Variants in IGLL5 observed in about 807,000 individuals in gnomAD.
IGLL5 encodes the protein immunoglobulin lambda-like polypeptide 5.
Under a neutral mutation model 20.9 loss-of-function variants are expected in IGLL5, and 30 were observed. The observed-to-expected ratio is 1.44, with a 90% CI of 1.07 to 1.95. The LOEUF (loss-of-function observed/expected upper bound fraction) is 1.95, where lower values mean the gene tolerates loss of function less well. Ranked by LOEUF, IGLL5 falls within the 30% of genes most tolerant of loss-of-function variation. The pLI is 0.00. For synonymous variants in IGLL5, 203 were observed against 117.3 expected, an observed-to-expected ratio of 1.73 and a Z score of -4.72; for missense variants, 475 against 270.7, an observed-to-expected ratio of 1.75 and a Z score of -5.30.
At chr22:22,888,695 G>A (rs539733058) in intron 1 of IGLL5, among the ~76,000 whole-genome samples, 8 of 151,314 alleles carry the variant, frequency 5.3e-5, no homozygotes, top group South Asian at 2.1e-4. Flanking sequence ...CCTGGAGAAG[G>A]CAGCAAGGGC....
In IGLL5 at chr22:22,895,981, C is replaced by A; in HGVS notation, c.*287C>A. Reference sequence around the variant, plus strand: ...CCCTGAGTCATCTCCCCAGAGGGTCCTTCCTCTCCCAGTCACCCCTTCTCC... The same window carrying A: ...CCCTGAGTCATCTCCCCAGAGGGTCATTCCTCTCCCAGTCACCCCTTCTCC... On this transcript the variant is annotated 3_prime_UTR_variant, in exon 3 of 3. Transcript: ENST00000526893. The A allele has an allele frequency of 1.8e-6, 1 of 558,440 alleles. No individual in the cohort carries two copies. The highest frequency in any genetic ancestry group is 3.2e-6 in the Non-Finnish European group (1 of 313,324). The allele number at this position is 558,440 out of a possible 1,614,324, so 34.6% of individuals were successfully genotyped here.
rs755327361 is a variant in IGLL5, at chr22:22,895,405, T to G, written c.356T>G (p.Leu119Arg). The G allele has an allele frequency of 1.2e-6, 2 of 1,612,966 alleles. No individual in the cohort carries two copies. Among genetic ancestry groups the G allele is most frequent in the Non-Finnish European group, 1.7e-6 (2 of 1,179,546 alleles). The change falls in exon 3 of 3, where the codon CTG becomes CGG. Residue 119 changes from leucine (L) to arginine (R), a missense_variant. Transcript: ENST00000526893. ...CCCAAGGCCAACCCCACTGTCACTC[T>G]GTTCCCGCCCTCCTCTGAGGAGCTC... ...GQPKANPTVT[L>R]FPPSSEELQA...
Position 22,895,601 on chromosome 22 carries a change from C to T in IGLL5, c.552C>T (p.Pro184=), listed in dbSNP as rs369300114. The stretch of plus-strand genomic sequence containing the variant: ...CCAGCAGCTACCTGAGCCTGACGCC[C>T]GAGCAGTGGAAGTCCCACAGAAGCT... ...YAASSYLSLT[P]EQWKSHRSYS... Residue 184 remains proline, a synonymous_variant, in exon 3 of 3, where the codon CCC becomes CCT. Transcript: ENST00000526893. 1.1e-4 allele frequency: 171 copies of T among 1,613,110 alleles called. 1 individual carries two copies. The highest frequency in any genetic ancestry group is 4.5e-4 in the East Asian group (20 of 44,682).
intron 1 of IGLL5, 130 bp downstream of exon 1, chr22:22,888,389 CTT>C: frequency 1.4e-6 from 1 of 717,998 alleles, no homozygotes; most frequent in Admixed American, 2.9e-5. Context: ...CTGACACTGG[CTT>C]TAGTAATGGG....
rs535641130 is a variant in IGLL5, at chr22:22,887,943, A to T, written c.-111A>T. On this transcript the variant is annotated 5_prime_UTR_variant, in exon 1 of 3. It removes an upstream start codon present in the reference 5' UTR. Coordinates refer to ENST00000526893, the MANE Select transcript of IGLL5 (RefSeq NM_001178126.2). ...CCAGTCCAGGGAGAGGACAGAGCCA[A>T]TGGACTGGGGTGTACTGTAACAGCC... The T allele has an allele frequency of 3.5e-6, 3 of 861,354 alleles. No homozygotes were observed. The highest frequency in any genetic ancestry group is 3.4e-5 in the African/African-American group (2 of 59,646). 53.4% of individuals were successfully genotyped at this position (861,354 alleles called of 1,614,324 possible).
At chr22:22,888,741 AC>A (rs2067640456) in intron 1 of IGLL5, among the ~76,000 whole-genome samples, 1 of 151,344 alleles carries the variant, frequency 6.6e-6, no homozygotes, top group East Asian at 2.0e-4. Context: ...CTGTTCACCA[AC>A]TTGCACATAA....
At position 22,895,461 on chromosome 22, in the gene IGLL5, A is replaced by G. The variant is rs577481172; in HGVS notation, c.412A>G (p.Ile138Val). ...QANKATLVCL[I>V]SDFYPGAVTV... Reference sequence around the variant, plus strand: ...CAACAAGGCCACACTAGTGTGTCTGATCAGTGACTTCTACCCGGGAGCTGT... The same window carrying G: ...CAACAAGGCCACACTAGTGTGTCTGGTCAGTGACTTCTACCCGGGAGCTGT... Residue 138 changes from isoleucine (I) to valine (V), a missense_variant, in exon 3 of 3, where the codon ATC becomes GTC. Physicochemically the swap from Ile to Val is conservative, Grantham distance 29. Transcript: ENST00000526893. 44 of 1,612,830 alleles carry G rather than the reference A, an allele frequency of 2.7e-5. No individual in the cohort carries two copies. The South Asian group carries it at 3.7e-4, about 14-fold the overall frequency.
chr22:22,888,049 GGCCAATGAGACCCAAGACAGGCCAAGT>G lies in IGLL5; in HGVS notation c.-3_24del. ...GGCCAGAGGTGCCCCTGAACCTGAA[GGCCAATGAGACCCAAGACAGGCCAAGT>G]GGGTTGTGAGACCCCTGAGGAGCTG... On this transcript the variant is annotated start_lost and 5_prime_UTR_variant, in exon 1 of 3. Coordinates refer to ENST00000526893, the MANE Select transcript of IGLL5 (RefSeq NM_001178126.2). 6.5e-7 allele frequency: 1 copy of G among 1,549,068 alleles called. No homozygotes were observed. The highest frequency in any genetic ancestry group is 8.7e-7 in the Non-Finnish European group (1 of 1,146,386).
intron 2 of IGLL5, among the ~76,000 whole-genome samples, chr22:22,894,577 A>G (rs147596882): frequency 1.3e-4 from 20 of 151,440 alleles, no homozygotes; most frequent in South Asian, 2.1e-4. Flanking sequence ...CTCAAAGGGC[A>G]TGTTAGACTC....
At chr22:22,895,018 A>T (rs577430427) in intron 2 of IGLL5, among the ~76,000 whole-genome samples, 2 of 151,396 alleles carry the variant, frequency 1.3e-5, no homozygotes, top group African/African-American at 2.4e-5. Context: ...GGAGGGGGGT[A>T]TAGGGATGGA....
At position 22,894,744 on chromosome 22, in the gene IGLL5, T is replaced by C. The variant is rs2066692055; in HGVS notation, c.326-631T>C. Among the ~76,000 whole-genome samples the C allele has an allele frequency of 1.3e-5, 2 of 151,262 alleles. 1 individual carries two copies. Among genetic ancestry groups the C allele is most frequent in the Admixed American group, 1.3e-4 (2 of 15,126 alleles). Reference sequence around the variant, plus strand: ...CAGGAACAGCTGAGGTGAAGGGTTCTGTGGTCGGGCTTGTGGAGACAGGAA... The same window carrying C: ...CAGGAACAGCTGAGGTGAAGGGTTCCGTGGTCGGGCTTGTGGAGACAGGAA... On this transcript the variant is annotated intron_variant, in intron 2 of 2. Transcript: ENST00000526893.
intron 1 of IGLL5, among the ~76,000 whole-genome samples, chr22:22,890,597 G>A (rs1274614467): frequency 1.5e-5 from 2 of 135,508 alleles, no homozygotes; most frequent in South Asian, 2.4e-4. Flanking sequence ...GTGTGTGTGT[G>A]TGTATGTGTA....
chr22:22,893,891 G>C (rs1012781730), intron 2 of IGLL5, 73 bp downstream of exon 2: 5 of 1,038,740 alleles, frequency 4.8e-6, no homozygotes, highest in East Asian at 2.4e-5. Flanking sequence ...TCTCTCTCTG[G>C]GGCTTCCTCC....
In IGLL5 at chr22:22,889,055, G is replaced by A. The variant is rs74993874; in HGVS notation, c.206+796G>A. Reference sequence around the variant, plus strand: ...CCGTGCACCATTCCCAGTCCAGGACGAGTCCTTGGATGGATTTAGGTAGAT... The same window carrying A: ...CCGTGCACCATTCCCAGTCCAGGACAAGTCCTTGGATGGATTTAGGTAGAT... On this transcript the variant is annotated intron_variant, in intron 1 of 2. Coordinates refer to ENST00000526893, the MANE Select transcript of IGLL5 (RefSeq NM_001178126.2). 4.8e-4 allele frequency among the ~76,000 whole-genome samples: 73 copies of A among 151,410 alleles called. 1 individual carries two copies. The highest frequency in any genetic ancestry group is 1.2e-3 in the African/African-American group (49 of 41,336).
At chr22:22,895,023 G>T (rs555052137) in intron 2 of IGLL5, among the ~76,000 whole-genome samples, 1 of 151,462 alleles carries the variant, frequency 6.6e-6, no homozygotes, top group Non-Finnish European at 1.5e-5. Flanking sequence ...GGGGTATAGG[G>T]ATGGAAATGA....
At chr22:22,894,949 G>T (rs540111113) in intron 2 of IGLL5, among the ~76,000 whole-genome samples, 2 of 151,476 alleles carry the variant, frequency 1.3e-5, no homozygotes, top group African/African-American at 2.4e-5. Flanking sequence ...TACAGGATGA[G>T]CAGGGGACCC....
intron 2 of IGLL5, among the ~76,000 whole-genome samples, chr22:22,894,058 CA>C (rs2067974904): frequency 6.6e-6 from 1 of 151,470 alleles, no homozygotes; most frequent in East Asian, 2.0e-4. Flanking sequence ...TGGGCAGGGT[CA>C]GGGCTCCTCC....
chr22:22,895,279 CTG>C, intron 2 of IGLL5, 94 bp from the exon 3 acceptor site: 1 of 1,189,326 alleles, frequency 8.4e-7, no homozygotes, highest in Non-Finnish European at 1.2e-6. Flanking sequence ...GATGGCCACA[CTG>C]TGAACCCTCC....
chr22:22,894,127 T>C (rs1459284352), intron 2 of IGLL5, among the ~76,000 whole-genome samples: 1 of 151,470 alleles, frequency 6.6e-6, no homozygotes, highest in African/African-American at 2.4e-5. Flanking sequence ...TGAGGGGCCC[T>C]GCAGTGTCCT....
Sources: gnomAD v4.1 joint callset for allele counts (sites outside exome capture counted in the v4.1 genomes callset) on GRCh38, gnomAD v4.1.1 for gene constraint, MANE v1.5 for transcripts, NCBI Gene and HGNC (gene_info 2026-07-23, HGNC 2026-07-21) for gene names.